INPP4B: variants seen among roughly 807,000 people sequenced by gnomAD.
The protein encoded by INPP4B is inositol polyphosphate 4-phosphatase type II.
INPP4B carries 55 observed loss-of-function variants against 122.5 expected under a neutral mutation model. That is an observed-to-expected ratio of 0.45 (90% CI 0.36 to 0.56). The LOEUF (loss-of-function observed/expected upper bound fraction) is 0.56, where lower values mean the gene tolerates loss of function less well. Among genes scored for constraint, INPP4B ranks in the 20% least tolerant of loss-of-function variants. The probability of loss-of-function intolerance (pLI) is 0.00; values close to 1 mark genes in which losing one functional copy is unlikely to be tolerated. For synonymous variants in INPP4B, 403 were observed against 388.7 expected, an observed-to-expected ratio of 1.04 and a Z score of -0.43; for missense variants, 1,000 against 1,097.7, an observed-to-expected ratio of 0.91 and a Z score of 1.26.
At chr4:142,684,858 G>A (rs1046100552) in intron 2 of INPP4B, among the ~76,000 whole-genome samples, 3 of 151,832 alleles carry the variant, frequency 2.0e-5, no homozygotes, top group Non-Finnish European at 4.4e-5. Flanking sequence ...ATTATAATTG[G>A]ACAAAATTGG....
At chr4:142,615,048 T>C (rs1473828335) in intron 2 of INPP4B, among the ~76,000 whole-genome samples, 1 of 152,170 alleles carries the variant, frequency 6.6e-6, no homozygotes, top group African/African-American at 2.4e-5. Flanking sequence ...GAGTATCCAC[T>C]CAAAGGAAAA....
At chr4:142,200,143 C>T (rs1179890108) in intron 14 of INPP4B, among the ~76,000 whole-genome samples, 1 of 151,544 alleles carries the variant, frequency 6.6e-6, no homozygotes, top group Non-Finnish European at 1.5e-5. Flanking sequence ...TAATATAGAC[C>T]CATGGGAATT....
At chr4:142,507,515 A>G (rs1229946996) in intron 2 of INPP4B, among the ~76,000 whole-genome samples, 1 of 152,056 alleles carries the variant, frequency 6.6e-6, no homozygotes, top group African/African-American at 2.4e-5. Context: ...CTGTTCATGA[A>G]GCAAGCAACT....
At chr4:142,365,769 AT>A (rs5862588) in intron 7 of INPP4B, among the ~76,000 whole-genome samples, 13 of 123,132 alleles carry the variant, frequency 1.1e-4, no homozygotes, top group South Asian at 7.9e-4. Flanking sequence ...AATTTTTACA[AT>A]TTTTTTTTCT....
At position 142,423,805 on chromosome 4, in the gene INPP4B, T is replaced by C. The variant is rs116493280; in HGVS notation, c.136+5368A>G. ...CAAGTGGTGGCTTACAGAGTGAATATGAAGTTAATTTCCTATAAAAAAAAA... is the reference window on the plus strand; with the variant it reads ...CAAGTGGTGGCTTACAGAGTGAATACGAAGTTAATTTCCTATAAAAAAAAA... On this transcript the variant is annotated intron_variant, in intron 5 of 25. Coordinates refer to ENST00000262992, the MANE Select transcript of INPP4B (RefSeq NM_001101669.3). 3.5e-3 allele frequency: 1,555 copies of C among 438,064 alleles called. 17 individuals are homozygous for C. The highest frequency in any genetic ancestry group is 0.029 in the African/African-American group (1,395 of 48,188). The allele number at this position is 438,064 out of a possible 1,614,324, so 27.1% of individuals were successfully genotyped here. A position where few individuals can be genotyped will look rare whatever the true frequency, so the allele number is the denominator to read the frequency against.
intron 7 of INPP4B, among the ~76,000 whole-genome samples, chr4:142,354,486 G>C (rs1431766191): frequency 6.6e-6 from 1 of 151,796 alleles, no homozygotes; most frequent in Non-Finnish European, 1.5e-5. Context: ...TATCTATCTT[G>C]GGCATTTAAG....
intron 9 of INPP4B, 32 bp from the exon 10 acceptor site, chr4:142,270,806 A>G: frequency 7.0e-7 from 1 of 1,423,562 alleles, no homozygotes; most frequent in Non-Finnish European, 9.9e-7. Context: ...ATGGAAAGGT[A>G]AGAAGCTTCT....
chr4:142,507,140 T>A (rs956392351), intron 2 of INPP4B, among the ~76,000 whole-genome samples: 2 of 152,164 alleles, frequency 1.3e-5, no homozygotes, highest in African/African-American at 4.8e-5. Context: ...CTATAGCCCT[T>A]AAAGCCCATT....
rs113588106 is a variant in INPP4B at position 142,813,579 on chromosome 4, G to T, written c.-254+32630C>A. ...AGCTTTGCTCTATACTTTGTCACTG[G>T]CAATAAAGCAATAAAGAAATAAACA... is the stretch of plus-strand genomic sequence containing the variant. On this transcript the variant is annotated intron_variant, in intron 1 of 25. Coordinates refer to ENST00000262992, the MANE Select transcript of INPP4B (RefSeq NM_001101669.3). Among the ~76,000 whole-genome samples, 985 of 152,140 alleles carry T rather than the reference G, an allele frequency of 6.5e-3. 4 individuals carry two copies. The highest frequency in any genetic ancestry group is 0.01 in the Non-Finnish European group (707 of 67,996).
intron 2 of INPP4B, among the ~76,000 whole-genome samples, chr4:142,489,724 A>C (rs2149776465): frequency 6.6e-6 from 1 of 152,164 alleles, no homozygotes; most frequent in Admixed American, 6.5e-5. Context: ...TTGTCTAGTG[A>C]TCCTACCAAT....
At chr4:142,119,334 G>C (rs1795383259) in intron 21 of INPP4B, among the ~76,000 whole-genome samples, 1 of 152,108 alleles carries the variant, frequency 6.6e-6, no homozygotes, top group South Asian at 2.1e-4. Context: ...CTGCTATAAA[G>C]GCATATGCAC....
At chr4:142,133,276 A>G (rs568594108) in intron 18 of INPP4B, among the ~76,000 whole-genome samples, 1 of 152,302 alleles carries the variant, frequency 6.6e-6, no homozygotes, top group South Asian at 2.1e-4. Flanking sequence ...TTTCCAAATT[A>G]ATGTCTTTAG....
intron 1 of INPP4B, among the ~76,000 whole-genome samples, chr4:142,829,865 C>T (rs577842464): frequency 2.4e-4 from 36 of 152,148 alleles, no homozygotes; most frequent in South Asian, 1.2e-3. Context: ...AATTTAGTAA[C>T]GGGACTGATA....
intron 2 of INPP4B, among the ~76,000 whole-genome samples, chr4:142,649,756 T>C (rs1351625388): frequency 1.3e-5 from 2 of 152,124 alleles, no homozygotes; most frequent in Admixed American, 1.3e-4. Context: ...TATCTGAAAG[T>C]GATGGGGAGA....
chr4:142,091,462 C>A (rs1779500751), intron 23 of INPP4B, among the ~76,000 whole-genome samples: 1 of 152,156 alleles, frequency 6.6e-6, no homozygotes, highest in African/African-American at 2.4e-5. Flanking sequence ...TTCTGTGTCA[C>A]CTCTGAAAAA....
intron 2 of INPP4B, among the ~76,000 whole-genome samples, chr4:142,538,448 C>T (rs879521847): frequency 1.1e-4 from 17 of 151,896 alleles, no homozygotes; most frequent in Non-Finnish European, 1.3e-4. Flanking sequence ...GATGTAGTAA[C>T]GGGAATTAAA....
At chr4:142,261,373 C>T (rs1158250502) in intron 10 of INPP4B, among the ~76,000 whole-genome samples, 1 of 152,106 alleles carries the variant, frequency 6.6e-6, no homozygotes, top group African/African-American at 2.4e-5. Context: ...AAATGAGTTT[C>T]CTTTTATCTT....
intron 2 of INPP4B, among the ~76,000 whole-genome samples, chr4:142,663,323 A>G (rs2150594136): frequency 6.6e-6 from 1 of 152,342 alleles, no homozygotes; most frequent in East Asian, 1.9e-4. Context: ...CATTGTTAAT[A>G]AATTAGAATA....
intron 1 of INPP4B, among the ~76,000 whole-genome samples, chr4:142,782,018 C>T (rs934793407): frequency 2.0e-5 from 3 of 151,524 alleles, no homozygotes; most frequent in Admixed American, 6.6e-5. Flanking sequence ...TTTTAGGGTA[C>T]ATGTGCACAA....
Sources: allele counts gnomAD v4.1 joint callset (sites outside exome capture counted in the v4.1 genomes callset), GRCh38; gene constraint gnomAD v4.1.1; transcripts MANE v1.5; gene names NCBI Gene and HGNC (gene_info 2026-07-23, HGNC 2026-07-21).